Variants in DNAH11 observed in about 807,000 individuals in gnomAD.
The protein encoded by DNAH11 is axonemal beta dynein heavy chain 11.
DNAH11 carries 442 observed loss-of-function variants against 526.0 expected under a neutral mutation model. The observed-to-expected ratio is 0.84, with a 90% CI of 0.78 to 0.91. The LOEUF is 0.91. Ranked by LOEUF, DNAH11 falls within the 40% of genes least tolerant of loss-of-function variation. DNAH11 has a pLI of 0.00. For synonymous variants in DNAH11, 2,461 were observed against 1,935.9 expected, an observed-to-expected ratio of 1.27 and a Z score of -7.12; for missense variants, 6,989 against 5,448.7, an observed-to-expected ratio of 1.28 and a Z score of -8.90.
At chr7:21,590,689 T>G (rs2128443432) in intron 12 of DNAH11, among the ~76,000 whole-genome samples, 1 of 152,320 alleles carries the variant, frequency 6.6e-6, no homozygotes, top group African/African-American at 2.4e-5. Context: ...TAAAACCAAT[T>G]TATAGAAACT....
intron 66 of DNAH11, among the ~76,000 whole-genome samples, chr7:21,844,365 C>T (rs1048892755): frequency 3.9e-5 from 6 of 152,210 alleles, no homozygotes; most frequent in Non-Finnish European, 7.3e-5. Context: ...GCAGAGGTTG[C>T]AGTGTGCCAG....
intron 35 of DNAH11, 138 bp downstream of exon 35, chr7:21,691,019 A>G: frequency 1.6e-6 from 1 of 639,096 alleles, no homozygotes; most frequent in Non-Finnish European, 2.7e-6. Context: ...CTCCTTTTAT[A>G]GACAGAACTT....
chr7:21,891,891 A>C (rs1193606881), intron 76 of DNAH11, among the ~76,000 whole-genome samples: 2 of 152,210 alleles, frequency 1.3e-5, no homozygotes, highest in Non-Finnish European at 2.9e-5. Context: ...ATCATTATTT[A>C]TAATTATAAA....
chr7:21,775,913 T>A (rs1787652443), intron 56 of DNAH11, among the ~76,000 whole-genome samples: 1 of 152,146 alleles, frequency 6.6e-6, no homozygotes, highest in Non-Finnish European at 1.5e-5. Context: ...CAAACTGAGC[T>A]TTCAATACTG....
chr7:21,676,996 G>A (rs2128471016), intron 30 of DNAH11, among the ~76,000 whole-genome samples: 1 of 152,330 alleles, frequency 6.6e-6, no homozygotes, highest in East Asian at 1.9e-4. Context: ...GTGGCTCTGG[G>A]AAAAGGCATC....
chr7:21,813,251 C>G (rs760541361), intron 63 of DNAH11, among the ~76,000 whole-genome samples: 2 of 152,164 alleles, frequency 1.3e-5, no homozygotes, highest in Non-Finnish European at 2.9e-5. Flanking sequence ...CCTTTGCACT[C>G]CACTCATTGC....
chr7:21,553,951 A>G (rs1353740345), intron 2 of DNAH11, among the ~76,000 whole-genome samples: 1 of 152,028 alleles, frequency 6.6e-6, no homozygotes, highest in Non-Finnish European at 1.5e-5. Flanking sequence ...TTACAAAGTT[A>G]ACCTTCAAAA....
chr7:21,807,914 C>A lies in DNAH11; in HGVS notation c.10197C>A (p.Ser3399=). 5.6e-6 allele frequency: 9 copies of A among 1,607,262 alleles called. No homozygotes were observed. The highest frequency in any genetic ancestry group is 7.7e-6 in the Non-Finnish European group (9 of 1,174,908). The change falls in exon 63 of 82, where the codon TCC becomes TCA. Residue 3399 remains serine, a synonymous_variant. Coordinates refer to ENST00000409508, the MANE Select transcript of DNAH11 (RefSeq NM_001277115.2). ...TTCGCTGGGGTCAATCCATTAAGTC[C>A]TTTGAAGCTCAAGAGAAGACACTCT... ...KKIRWGQSIK[S]FEAQEKTLCG...
At chr7:21,590,756 G>T (rs1466879571) in intron 12 of DNAH11, among the ~76,000 whole-genome samples, 162 bp from the exon 13 acceptor site, 1 of 151,978 alleles carries the variant, frequency 6.6e-6, no homozygotes, top group African/African-American at 2.4e-5. Flanking sequence ...ATGAATGTAT[G>T]ATTTTTGTTT....
Position 21,709,157 on chromosome 7 carries a change from C to T in DNAH11, c.6683+1322C>T, listed in dbSNP as rs577413556. On this transcript the variant is annotated intron_variant, in intron 40 of 81. Coordinates refer to ENST00000409508, the MANE Select transcript of DNAH11 (RefSeq NM_001277115.2). ...TTCACTGCAGCACTATTCACAATAG[C>T]AAAGACGTGGAATCAACCTAAGTGC... 8.5e-5 allele frequency among the ~76,000 whole-genome samples: 13 copies of T among 152,238 alleles called. No homozygotes were observed. In the South Asian group the frequency reaches 2.5e-3, roughly 29 times the overall value.
In DNAH11 at chr7:21,711,708, C is replaced by G. The variant is rs761528449; in HGVS notation, c.6835-4C>G. The G allele has an allele frequency of 6.2e-7, 1 of 1,613,288 alleles. No homozygotes were observed. Among genetic ancestry groups the G allele is most frequent in the Admixed American group, 1.7e-5 (1 of 59,978 alleles). On this transcript the variant is annotated splice_region_variant and splice_polypyrimidine_tract_variant and intron_variant, in intron 41 of 81. Transcript: ENST00000409508. ...CATGGGTGACAGTGTGCTGCTCACT[C>G]CAGGTGCTGACCCTCGCCAGCAATG...
rs768596082 is a variant in DNAH11 at position 21,635,939 on chromosome 7, A to G, written c.4569A>G (p.Gln1523=). ...TCATTGAGCAAGTGTTAAGCTGGCA[A>G]AATAAATTAAACATAGCAGACTTGG... ...EYFIEQVLSW[Q]NKLNIADLVI... The change falls in exon 26 of 82, where the codon CAA becomes CAG. Residue 1523 remains glutamine, a synonymous_variant. Transcript: ENST00000409508. 6.2e-7 allele frequency: 1 copy of G among 1,613,450 alleles called. No individual in the cohort carries two copies. The highest frequency in any genetic ancestry group is 1.1e-5 in the South Asian group (1 of 90,876).
At chr7:21,680,282 G>A (rs1208801306) in intron 30 of DNAH11, among the ~76,000 whole-genome samples, 1 of 152,204 alleles carries the variant, frequency 6.6e-6, no homozygotes, top group African/African-American at 2.4e-5. Flanking sequence ...CTTACCACCA[G>A]CTTTCTTAGG....
chr7:21,640,040 T>C (rs775624109), intron 28 of DNAH11, among the ~76,000 whole-genome samples: 3 of 152,202 alleles, frequency 2.0e-5, no homozygotes, highest in Non-Finnish European at 4.4e-5. Flanking sequence ...ATTCAATTGG[T>C]TGGCTATTCT....
At chr7:21,791,402 T>C (rs1418063563) in intron 61 of DNAH11, among the ~76,000 whole-genome samples, 1 of 152,198 alleles carries the variant, frequency 6.6e-6, no homozygotes. Context: ...GGACTAGATA[T>C]ATGATCCAAC....
chr7:21,630,309 T>G lies in DNAH11; in HGVS notation c.4501-5562T>G, dbSNP rs1452872590. Among the ~76,000 whole-genome samples, 3 of 152,190 alleles carry G rather than the reference T, an allele frequency of 2.0e-5. No individual in the cohort carries two copies. In the East Asian group the frequency reaches 5.8e-4, roughly 29 times the overall value. On this transcript the variant is annotated intron_variant, in intron 25 of 81. Coordinates refer to ENST00000409508, the MANE Select transcript of DNAH11 (RefSeq NM_001277115.2). ...TGCTGTAGCTATTGTTTTTGATAGA[T>G]TTGTCTTTTGGGCTTCATGCCAGGA...
chr7:21,857,546 C>G (rs199599018), intron 68 of DNAH11, among the ~76,000 whole-genome samples: 2 of 146,004 alleles, frequency 1.4e-5, no homozygotes, highest in African/African-American at 5.0e-5. Context: ...AAAAAAAAAA[C>G]AGGGTTGGAA....
Position 21,601,572 on chromosome 7 carries a change from A to G in DNAH11, c.3602A>G (p.Glu1201Gly). 6.2e-7 allele frequency: 1 copy of G among 1,608,500 alleles called. No homozygotes were observed. Among genetic ancestry groups the G allele is most frequent in the Non-Finnish European group, 8.5e-7 (1 of 1,175,740 alleles). ...EPLKETITLL[E>G]SYGQKMPEQV... The stretch of plus-strand genomic sequence containing the variant: ...CTAAAAGAAACGATCACCCTCTTGG[A>G]AAGCTATGGCCAGAAGATGCCTGAG... Residue 1201 changes from glutamate to glycine, a missense_variant, in exon 18 of 82, where the codon GAA (glutamate) becomes GGA (glycine). Transcript: ENST00000409508.
chr7:21,702,658 A>G, intron 36 of DNAH11, 52 bp from the exon 37 acceptor site: 1 of 1,501,176 alleles, frequency 6.7e-7, no homozygotes. Flanking sequence ...CTGGAATGAG[A>G]ATCTTCTTCC....
Sources: gnomAD v4.1 joint callset for allele counts (sites outside exome capture counted in the v4.1 genomes callset) on GRCh38, gnomAD v4.1.1 for gene constraint, MANE v1.5 for transcripts, NCBI Gene and HGNC (gene_info 2026-07-23, HGNC 2026-07-21) for gene names.